The following CSPP1 variants were observed in gnomAD, a reference collection of about 807,000 sequenced individuals.
CSPP1 encodes centrosome and spindle pole-associated protein 1.
In CSPP1, 126 loss-of-function variants were observed where a neutral mutation model predicts 164.4. The observed-to-expected ratio is 0.77, with a 90% confidence interval of 0.66 to 0.89. CSPP1 has a LOEUF of 0.89. CSPP1 is among the 40% of genes least tolerant of loss of function. The pLI, the probability that CSPP1 is intolerant of heterozygous loss-of-function variation, is 0.00. For missense variants in CSPP1, 1,395 were observed against 1,449.8 expected, an observed-to-expected ratio of 0.96 and a Z score of 0.61; for synonymous variants, 472 against 476.7, an observed-to-expected ratio of 0.99 and a Z score of 0.13.
intron 28 of CSPP1, among the ~76,000 whole-genome samples, chr8:67,186,961 T>TA (rs1834774600): frequency 6.8e-6 from 1 of 146,194 alleles, no homozygotes; most frequent in Non-Finnish European, 1.5e-5. Context: ...GAGGTATAAA[T>TA]CTATCTATCA....
intron 15 of CSPP1, among the ~76,000 whole-genome samples, chr8:67,125,139 C>T (rs1819810658): frequency 6.6e-6 from 1 of 152,138 alleles, no homozygotes. Flanking sequence ...GAAGGACTCC[C>T]TTCAGTGTTT....
intron 15 of CSPP1, among the ~76,000 whole-genome samples, chr8:67,130,770 T>A (rs1821067880): frequency 6.6e-6 from 1 of 151,998 alleles, no homozygotes. Context: ...GGTGGATCAC[T>A]TGAGGCCAGG....
At chr8:67,142,421 A>T (rs1279205646) in intron 17 of CSPP1, among the ~76,000 whole-genome samples, 2 of 152,114 alleles carry the variant, frequency 1.3e-5, no homozygotes, top group African/African-American at 2.4e-5. Context: ...TGGCATGAAA[A>T]TATTGCCTTT....
At chr8:67,188,907 G>A (rs1240617705) in intron 28 of CSPP1, among the ~76,000 whole-genome samples, 1 of 152,128 alleles carries the variant, frequency 6.6e-6, no homozygotes, top group Non-Finnish European at 1.5e-5. Context: ...AACATTCACC[G>A]CATGGCCCAA....
At chr8:67,159,227 A>G (rs747028170) in intron 21 of CSPP1, 90 bp downstream of exon 21, 1 of 1,245,758 alleles carries the variant, frequency 8.0e-7, no homozygotes, top group Non-Finnish European at 1.1e-6. Flanking sequence ...GGGGAGAAAG[A>G]GGAGGAGGTG....
At chr8:67,126,164 C>A (rs1296449096) in intron 15 of CSPP1, among the ~76,000 whole-genome samples, 1 of 152,164 alleles carries the variant, frequency 6.6e-6, no homozygotes, top group African/African-American at 2.4e-5. Flanking sequence ...TTTTTTAGTT[C>A]TTTCAACATA....
rs775187286 is a variant in CSPP1, at chr8:67,195,511, A to G, written c.3599A>G (p.Glu1200Gly). Residue 1200 changes from glutamate (E) to glycine (G), a missense_variant, in exon 31 of 31, where the codon GAG (glutamate) becomes GGG (glycine). Glu to Gly is a moderately conservative substitution (Grantham distance 98, BLOSUM62 -2). Coordinates refer to ENST00000678616, the MANE Select transcript of CSPP1 (RefSeq NM_001382391.1). ...TSETLKRFMA[E>G]QLNQEQQQIP... is the part of the protein sequence containing the mutation. ...GAAACGCTGAAACGTTTCATGGCAG[A>G]GCAGCTGAACCAGGAGCAGCAGCAG... 6.2e-7 allele frequency: 1 copy of G among 1,614,110 alleles called. No individual in the cohort carries two copies. The highest frequency in any genetic ancestry group is 1.3e-5 in the African/African-American group (1 of 74,952).
chr8:67,178,226 G>A (rs1360444714), intron 27 of CSPP1, among the ~76,000 whole-genome samples: 1 of 152,196 alleles, frequency 6.6e-6, no homozygotes. Flanking sequence ...ATGAGCAGTA[G>A]TGGGAGTAGG....
intron 8 of CSPP1, 100 bp downstream of exon 8, chr8:67,103,235 T>A: frequency 1.5e-6 from 1 of 656,490 alleles, no homozygotes; most frequent in Non-Finnish European, 2.6e-6. Context: ...TACAGTAAAT[T>A]AACAGCCTTC....
chr8:67,179,944 A>T lies in CSPP1; in HGVS notation c.3220+18A>T. ...TTTTATTGGTGAGTATATTTATTTT[A>T]TTAAGGCTATATTGTTTAAATATTA... On this transcript the variant is annotated intron_variant, in intron 28 of 30. Transcript: ENST00000678616. The T allele has an allele frequency of 7.3e-7, 1 of 1,368,798 alleles. No homozygotes were observed. The highest frequency in any genetic ancestry group is 1.0e-6 in the Non-Finnish European group (1 of 958,744). The allele number at this position is 1,368,798 out of a possible 1,614,324, so 84.8% of individuals were successfully genotyped here. A position where few individuals can be genotyped will look rare whatever the true frequency, so the allele number is the denominator to read the frequency against.
chr8:67,145,071 A>AG (rs1208835926), intron 17 of CSPP1, among the ~76,000 whole-genome samples: 2 of 151,698 alleles, frequency 1.3e-5, no homozygotes, highest in African/African-American at 4.8e-5. Context: ...AAAAAAAAAA[A>AG]AGCATTCACC....
At chr8:67,185,679 CT>C (rs1166104020) in intron 28 of CSPP1, among the ~76,000 whole-genome samples, 2 of 152,078 alleles carry the variant, frequency 1.3e-5, no homozygotes, top group Non-Finnish European at 2.9e-5. Context: ...CAGTCTACCC[CT>C]GGAGGTGGTA....
At chr8:67,096,576 A>AG in intron 7 of CSPP1, among the ~76,000 whole-genome samples, 1 of 146,328 alleles carries the variant, frequency 6.8e-6, no homozygotes, top group East Asian at 2.1e-4. Context: ...AAAAAAAAAA[A>AG]AAGTGTGGCT....
intron 25 of CSPP1, chr8:67,173,792 A>G (rs576909479): frequency 2.6e-4 from 40 of 152,286 alleles, no homozygotes; most frequent in African/African-American, 9.4e-4. Flanking sequence ...TCTGCCAGGC[A>G]TTGTGTTAAC....
At chr8:67,125,155 A>G (rs1819814676) in intron 15 of CSPP1, among the ~76,000 whole-genome samples, 1 of 152,236 alleles carries the variant, frequency 6.6e-6, no homozygotes, top group African/African-American at 2.4e-5. Context: ...TGTTTCTTAC[A>G]GAACAGGTCT....
chr8:67,104,716 C>T (rs1815005625), intron 8 of CSPP1, among the ~76,000 whole-genome samples: 1 of 151,616 alleles, frequency 6.6e-6, no homozygotes, highest in Non-Finnish European at 1.5e-5. Context: ...CAGCTCACTG[C>T]AATCTCTGCC....
In CSPP1 at chr8:67,076,486, A is replaced by G. The variant is rs200158932; in HGVS notation, c.104A>G (p.Lys35Arg). The G allele has an allele frequency of 7.5e-4, 1,180 of 1,571,978 alleles. 11 individuals are homozygous for G. Among genetic ancestry groups the G allele is most frequent in the South Asian group, 3.7e-3 (313 of 84,702 alleles). ...TAAACATTATGTCTCTTTCAGGGAA[A>G]GTTGTCAGCGAAGCTTTCTGAAAAC... is the stretch of plus-strand genomic sequence containing the variant. Reference protein sequence around the residue: ...SDPPYMEMKGKLSAKLSENSK... With the variant: ...SDPPYMEMKGRLSAKLSENSK... Residue 35 changes from lysine to arginine, a missense_variant, in exon 3 of 31, where the codon AAG (lysine) becomes AGG (arginine). Physicochemically the swap from Lys to Arg is conservative, Grantham distance 26 (BLOSUM62 2). Coordinates refer to ENST00000678616, the MANE Select transcript of CSPP1 (RefSeq NM_001382391.1).
chr8:67,083,583 G>C (rs1053064213), intron 3 of CSPP1: 1 of 126,808 alleles, frequency 7.9e-6, no homozygotes, highest in Admixed American at 8.0e-5. Flanking sequence ...ATGTATATAT[G>C]AATAATAATG....
chr8:67,195,844 T>C lies in CSPP1; in HGVS notation c.*251T>C, dbSNP rs1209227204. On this transcript the variant is annotated 3_prime_UTR_variant, in exon 31 of 31. Coordinates refer to ENST00000678616, the MANE Select transcript of CSPP1 (RefSeq NM_001382391.1). ...TAAATTAGGGTGGTAATGAACTGGA[T>C]TGAACTACTATATGTGCATTATATT... is the stretch of plus-strand genomic sequence containing the variant. 4.5e-6 allele frequency: 2 copies of C among 442,112 alleles called. No individual in the cohort carries two copies. Among genetic ancestry groups the C allele is most frequent in the Non-Finnish European group, 8.2e-6 (2 of 243,804 alleles). 27.4% of individuals were successfully genotyped at this position (442,112 alleles called of 1,614,324 possible). A position where few individuals can be genotyped will look rare whatever the true frequency, so the allele number is the denominator to read the frequency against.
Sources: gnomAD v4.1 joint callset for allele counts (sites outside exome capture counted in the v4.1 genomes callset) on GRCh38, gnomAD v4.1.1 for gene constraint, MANE v1.5 for transcripts, NCBI Gene and HGNC (gene_info 2026-07-23, HGNC 2026-07-21) for gene names.